Variants in STK32B observed in about 807,000 individuals in gnomAD.
STK32B encodes serine/threonine kinase 32B, also known as serine/threonine-protein kinase 32B.
Under a neutral mutation model 52.6 loss-of-function variants are expected in STK32B, and 43 were observed. The ratio of observed to expected loss-of-function variants is 0.82; its 90% CI spans 0.64 to 1.05. STK32B has a LOEUF of 1.05. STK32B is among the 50% of genes least tolerant of loss of function. STK32B has a pLI of 0.00. For synonymous variants in STK32B, 238 were observed against 204.3 expected (o/e 1.17, Z -1.41); for missense variants, 621 against 534.6 (o/e 1.16, Z -1.59).
chr4:5,367,483 G>A lies in STK32B; in HGVS notation c.435-30724G>A, dbSNP rs116342215. ...TATTGACCACATGTTAGTGGAGGCT[G>A]GGGGGTCGCTGAGTAGGATGCTGTA... On this transcript the variant is annotated intron_variant, in intron 4 of 11. Transcript: ENST00000282908. Among the ~76,000 whole-genome samples the A allele has an allele frequency of 5.1e-3, 776 of 151,362 alleles. 7 individuals carry two copies. The highest frequency in any genetic ancestry group is 0.018 in the African/African-American group (734 of 41,224).
At chr4:5,258,361 A>G (rs1300044253) in intron 3 of STK32B, among the ~76,000 whole-genome samples, 1 of 152,152 alleles carries the variant, frequency 6.6e-6, no homozygotes, top group Non-Finnish European at 1.5e-5. Context: ...ATGAGATTGA[A>G]TGTCTGAACA....
intron 1 of STK32B, among the ~76,000 whole-genome samples, chr4:5,105,076 TC>T: frequency 6.6e-6 from 1 of 152,312 alleles, no homozygotes; most frequent in East Asian, 1.9e-4. Flanking sequence ...TTGCTCCATA[TC>T]CTTATTGACA....
At chr4:5,188,799 A>C (rs1391061336) in intron 3 of STK32B, among the ~76,000 whole-genome samples, 1 of 142,656 alleles carries the variant, frequency 7.0e-6, no homozygotes, top group Non-Finnish European at 1.5e-5. Context: ...TTCTAAGAAG[A>C]CTTTAAGAAA....
intron 7 of STK32B, 187 bp downstream of exon 7, chr4:5,446,963 C>T (rs1377896654): frequency 1.2e-5 from 7 of 567,656 alleles, no homozygotes; most frequent in Admixed American, 5.9e-5. Context: ...GTCCAACCCA[C>T]TCATTGTACA....
chr4:5,287,584 G>C (rs566530806), intron 3 of STK32B, among the ~76,000 whole-genome samples: 1 of 152,026 alleles, frequency 6.6e-6, no homozygotes, highest in Non-Finnish European at 1.5e-5. Flanking sequence ...CTGAAACCAA[G>C]CCAACTAGTG....
At chr4:5,340,504 A>G (rs535015378) in intron 4 of STK32B, among the ~76,000 whole-genome samples, 2 of 152,342 alleles carry the variant, frequency 1.3e-5, no homozygotes, top group Admixed American at 1.3e-4. Flanking sequence ...ACACCCTAAC[A>G]GACCCTGCTT....
At chr4:5,067,335 G>A (rs1383910053) in intron 1 of STK32B, among the ~76,000 whole-genome samples, 2 of 152,104 alleles carry the variant, frequency 1.3e-5, no homozygotes, top group Non-Finnish European at 2.9e-5. Context: ...GATTTGGGTG[G>A]GGACACAGCC....
At chr4:5,066,323 A>G (rs1016314185) in intron 1 of STK32B, among the ~76,000 whole-genome samples, 1 of 152,134 alleles carries the variant, frequency 6.6e-6, no homozygotes, top group Non-Finnish European at 1.5e-5. Context: ...TTCCAGCCAC[A>G]CCAACCTCAG....
At chr4:5,195,966 C>G (rs893609600) in intron 3 of STK32B, among the ~76,000 whole-genome samples, 2 of 152,218 alleles carry the variant, frequency 1.3e-5, no homozygotes, top group African/African-American at 4.8e-5. Flanking sequence ...ATATATGAAA[C>G]TTACATGGCA....
chr4:5,447,626 G>T (rs1397626798), intron 7 of STK32B, among the ~76,000 whole-genome samples: 1 of 152,116 alleles, frequency 6.6e-6, no homozygotes, highest in Admixed American at 6.5e-5. Context: ...ACAGAGTGAG[G>T]CCCTGTCTCA....
At chr4:5,431,063 T>C (rs1713535366) in intron 6 of STK32B, among the ~76,000 whole-genome samples, 1 of 152,222 alleles carries the variant, frequency 6.6e-6, no homozygotes, top group Non-Finnish European at 1.5e-5. Flanking sequence ...GGTGATCCTA[T>C]CTTTCTCCCA....
At chr4:5,029,549 G>A in the STK32B span, among the ~76,000 whole-genome samples, 1 of 152,242 alleles carries the variant, frequency 6.6e-6, no homozygotes, top group African/African-American at 2.4e-5. Flanking sequence ...AGGGCTGTAA[G>A]CAATGGGGCT....
intron 1 of STK32B, among the ~76,000 whole-genome samples, chr4:5,069,481 A>C (rs956621260): frequency 3.9e-5 from 6 of 152,114 alleles, no homozygotes; most frequent in African/African-American, 1.4e-4. Context: ...CCATCATGGA[A>C]TCTTTCAGCA....
At chr4:5,057,157 C>T (rs1742038599) in intron 1 of STK32B, among the ~76,000 whole-genome samples, 1 of 152,224 alleles carries the variant, frequency 6.6e-6, no homozygotes, top group Admixed American at 6.5e-5. Flanking sequence ...TTATTGGGGG[C>T]CAATTTCTTG....
In STK32B at chr4:5,437,988, G is replaced by A. The variant is rs183012991; in HGVS notation, c.563-8685G>A. The A allele has an allele frequency of 7.0e-5, 69 of 985,466 alleles. No homozygotes were observed. The East Asian group carries it at 1.2e-3, about 18-fold the overall frequency. The allele number at this position is 985,466 out of a possible 1,614,324, so 61.0% of individuals were successfully genotyped here. On this transcript the variant is annotated intron_variant, in intron 6 of 11. Transcript: ENST00000282908. ...TTCTCTAGGACTGCAGACATTTGTC[G>A]CTTGTCTGATCATGACAGCCAGGAC...
At chr4:5,361,373 A>T (rs1734538673) in intron 4 of STK32B, among the ~76,000 whole-genome samples, 1 of 152,058 alleles carries the variant, frequency 6.6e-6, no homozygotes, top group Non-Finnish European at 1.5e-5. Flanking sequence ...ATTCTATTTT[A>T]ATTTTCTATT....
chr4:5,484,128 A>G (rs1304355941), intron 11 of STK32B, among the ~76,000 whole-genome samples: 3 of 152,162 alleles, frequency 2.0e-5, no homozygotes, highest in Non-Finnish European at 2.9e-5. Context: ...GCTGAGTTCA[A>G]TTCCTGGATA....
At chr4:5,077,893 A>G (rs1712176814) in intron 1 of STK32B, among the ~76,000 whole-genome samples, 1 of 152,054 alleles carries the variant, frequency 6.6e-6, no homozygotes, top group Non-Finnish European at 1.5e-5. Flanking sequence ...ACAAATAATA[A>G]CTTAAACTGT....
At chr4:5,055,721 C>T (rs13145598) in intron 1 of STK32B, among the ~76,000 whole-genome samples, 1 of 151,942 alleles carries the variant, frequency 6.6e-6, no homozygotes, top group Non-Finnish European at 1.5e-5. Flanking sequence ...ACACCATAGC[C>T]CTGGCACCTG....
Sources: allele counts gnomAD v4.1 joint callset (sites outside exome capture counted in the v4.1 genomes callset), GRCh38; gene constraint gnomAD v4.1.1; transcripts MANE v1.5; gene names NCBI Gene and HGNC (gene_info 2026-07-23, HGNC 2026-07-21).